Variants in TFAP2A observed in about 807,000 individuals in gnomAD.
TFAP2A encodes transcription factor AP-2 alpha, also known as transcription factor AP-2-alpha.
A neutral mutation model predicts 41.5 loss-of-function variants in TFAP2A; 7 were observed. The ratio of observed to expected loss-of-function variants is 0.17; its 90% confidence interval spans 0.10 to 0.32. TFAP2A has a LOEUF of 0.32. Among genes scored for constraint, TFAP2A ranks in the 10% least tolerant of loss-of-function variants. TFAP2A has a pLI of 1.00. For synonymous variants in TFAP2A, 247 were observed against 242.8 expected, an observed-to-expected ratio of 1.02 and a Z score of -0.16; for missense variants, 416 against 563.3, an observed-to-expected ratio of 0.74 and a Z score of 2.65.
intron 2 of TFAP2A, among the ~76,000 whole-genome samples, chr6:10,408,538 A>G (rs181481327): frequency 3.3e-5 from 5 of 152,358 alleles, no homozygotes; most frequent in East Asian, 3.9e-4. Flanking sequence ...GTTCATGTTT[A>G]AATTGCTCTT....
rs1757724691 is a variant in TFAP2A at position 10,406,608 on chromosome 6, C to G, written c.538+185G>C. On this transcript the variant is annotated intron_variant, in intron 3 of 6. Coordinates refer to ENST00000379613, the MANE Select transcript of TFAP2A (RefSeq NM_001372066.1). ...AAATCATGAGTCAGAACAAAGCTAG[C>G]CTGTTGGCATTACCAACATACTGAA... is the stretch of plus-strand genomic sequence containing the variant. 1.7e-5 allele frequency: 11 copies of G among 630,308 alleles called. No homozygotes were observed. The South Asian group carries it at 1.9e-4, about 11-fold the overall frequency. The allele number at this position is 630,308 out of a possible 1,614,324, so 39.0% of individuals were successfully genotyped here. A position where few individuals can be genotyped will look rare whatever the true frequency, so the allele number is the denominator to read the frequency against.
intron 2 of TFAP2A, chr6:10,407,246 G>A: frequency 3.8e-6 from 1 of 261,022 alleles, no homozygotes; most frequent in Non-Finnish European, 7.4e-6. Flanking sequence ...GCGAAAGCCA[G>A]GGAAACACAA....
In TFAP2A at chr6:10,403,677, G is replaced by A. The variant is rs563891401; in HGVS notation, c.770+831C>T. ...TCACAACGTGCAGTGGAATCCTAGG[G>A]GTAGGAAGCCCACAGCAGGGAGAAA... On this transcript the variant is annotated intron_variant, in intron 4 of 6. Transcript: ENST00000379613. Among the ~76,000 whole-genome samples the A allele has an allele frequency of 7.9e-5, 12 of 152,228 alleles. 1 individual carries two copies. Among genetic ancestry groups the A allele is most frequent in the African/African-American group, 2.9e-4 (12 of 41,520 alleles).
At chr6:10,409,751 G>GTCCCTCACTCTCCGCC in intron 2 of TFAP2A, 150 bp downstream of exon 2, 1 of 956,724 alleles carries the variant, frequency 1.0e-6, no homozygotes, top group East Asian at 2.6e-5. Flanking sequence ...TCCTCAAAAC[G>GTCCCTCACTCTCCGCC]TCCCTCACTC....
At chr6:10,411,571 A>G (rs1757971488) in intron 1 of TFAP2A, 1 of 1,614,072 alleles carries the variant, frequency 6.2e-7, no homozygotes. Flanking sequence ...GGGACTCACC[A>G]TGGCTGAAAA....
intron 1 of TFAP2A, 163 bp downstream of exon 1, chr6:10,414,778 T>G: frequency 1.1e-6 from 1 of 933,912 alleles, no homozygotes; most frequent in Non-Finnish European, 1.7e-6. Flanking sequence ...TCTCTGCAGC[T>G]TCTCCCCCGC....
At chr6:10,403,293 C>T (rs1190267281) in intron 4 of TFAP2A, among the ~76,000 whole-genome samples, 1 of 152,192 alleles carries the variant, frequency 6.6e-6, no homozygotes, top group Non-Finnish European at 1.5e-5. Context: ...TTATTCCCTA[C>T]TCAAGTGCTC....
At position 10,404,528 on chromosome 6, in the gene TFAP2A, C is replaced by G. The variant is rs918362351; in HGVS notation, c.750G>C (p.Leu250=). ...CTCACCTCCGGAGCACTCCGCCCAG[C>G]AGCGACGCGTTGAGACACTCGGGTG... The part of the protein sequence containing the change: ...LSPPECLNAS[L]LGGVLRRAKS... Residue 250 remains leucine (L), a synonymous_variant, in exon 4 of 7, where the codon CTG becomes CTC. Transcript: ENST00000379613. 1.2e-6 allele frequency: 2 copies of G among 1,610,836 alleles called. No homozygotes were observed. The highest frequency in any genetic ancestry group is 1.3e-5 in the African/African-American group (1 of 75,018).
chr6:10,417,633 GAGAC>G (rs991143724), upstream of TFAP2A, among the ~76,000 whole-genome samples: 2 of 152,196 alleles, frequency 1.3e-5, no homozygotes, highest in Admixed American at 1.3e-4. Context: ...ATTTGTGTGA[GAGAC>G]AGAGTCACAA....
intron 6 of TFAP2A, among the ~76,000 whole-genome samples, chr6:10,400,131 G>A (rs1451716824): frequency 6.6e-6 from 1 of 151,480 alleles, no homozygotes; most frequent in African/African-American, 2.4e-5. Context: ...ATTTGATTCT[G>A]GTCTTTCTGA....
chr6:10,402,463 C>T, intron 5 of TFAP2A, 29 bp downstream of exon 5: 1 of 1,512,270 alleles, frequency 6.6e-7, no homozygotes, highest in Non-Finnish European at 9.2e-7. Flanking sequence ...GAAGGAAGTT[C>T]CTTCTAGTTA....
intron 1 of TFAP2A, among the ~76,000 whole-genome samples, chr6:10,413,608 GC>G (rs924034751): frequency 3.7e-4 from 56 of 152,280 alleles, no homozygotes; most frequent in African/African-American, 1.3e-3. Context: ...GGGTCCCTGC[GC>G]CCCTCCTCTA....
intron 2 of TFAP2A, 181 bp downstream of exon 2, chr6:10,409,720 C>T (rs921246782): frequency 5.7e-6 from 4 of 697,228 alleles, no homozygotes; most frequent in Non-Finnish European, 7.2e-6. Flanking sequence ...TGGGGTAGAA[C>T]TCGCAACTAC....
chr6:10,405,644 A>G (rs1169825668), intron 3 of TFAP2A: 1 of 152,208 alleles, frequency 6.6e-6, no homozygotes, highest in Non-Finnish European at 1.5e-5. Flanking sequence ...TCTCAGCACC[A>G]GTGTAATTCA....
intron 1 of TFAP2A, among the ~76,000 whole-genome samples, chr6:10,411,363 CG>C (rs1757960550): frequency 1.3e-5 from 2 of 149,474 alleles, no homozygotes; most frequent in African/African-American, 5.0e-5. Context: ...AGAGGTCGAG[CG>C]GGGGCTGGGG....
At chr6:10,414,173 T>C (rs145967853) in intron 1 of TFAP2A, among the ~76,000 whole-genome samples, 153 of 152,340 alleles carry the variant, frequency 1.0e-3, no homozygotes, top group Non-Finnish European at 1.8e-3. Flanking sequence ...TCTGGGCTGG[T>C]GCAGAAGCTG....
chr6:10,415,150 A>G, upstream of TFAP2A: 1 of 1,435,396 alleles, frequency 7.0e-7, no homozygotes, highest in South Asian at 1.3e-5. Context: ...GAGGAGGGCA[A>G]GGAGGAGGAG....
chr6:10,410,053 T>C lies in TFAP2A; in HGVS notation c.334A>G (p.Thr112Ala), dbSNP rs1407939076. The C allele has an allele frequency of 1.8e-5, 29 of 1,612,738 alleles. No homozygotes were observed. Among genetic ancestry groups the C allele is most frequent in the Non-Finnish European group, 2.3e-5 (27 of 1,179,842 alleles). Residue 112 changes from threonine to alanine, a missense_variant, in exon 2 of 7, where the codon ACG becomes GCG. By Grantham distance (58) the Thr-to-Ala change is moderately conservative (BLOSUM62 0). This residue lies in a region of TFAP2A where 241 missense variants were observed against 274.1 expected (regional missense o/e 0.88). Coordinates refer to ENST00000379613, the MANE Select transcript of TFAP2A (RefSeq NM_001372066.1). ...RQSQESGLLH[T>A]HRGLPHQLSG... ...AGCTGGTGAGGCAGCCCCCGGTGCG[T>C]GTGCAGGAGCCCAGACTCCTGGCTC...
Position 10,400,557 on chromosome 6 carries a change from A to T in TFAP2A, c.922T>A (p.Tyr308Asn). ...GCAGGAAATTCGGTTTCGCACACGT[A>T]CCCAAAGTCCCTGGCTAGGTGGACA... ...EAVHLARDFGYVCETEFPAKA... is the reference protein window; with the variant it reads ...EAVHLARDFGNVCETEFPAKA... Residue 308 changes from tyrosine (Y) to asparagine (N), a missense_variant, in exon 6 of 7, where the codon TAC becomes AAC. Around this residue, in one of 3 missense-constraint regions of TFAP2A, gnomAD observed 59 missense variants for 135.4 expected, o/e 0.44. Coordinates refer to ENST00000379613, the MANE Select transcript of TFAP2A (RefSeq NM_001372066.1). 1 of 1,614,166 alleles carries T rather than the reference A, an allele frequency of 6.2e-7. No homozygotes were observed. The highest frequency in any genetic ancestry group is 8.5e-7 in the Non-Finnish European group (1 of 1,180,032).
Sources: allele counts gnomAD v4.1 joint callset (sites outside exome capture counted in the v4.1 genomes callset), GRCh38; gene constraint gnomAD v4.1.1; regional missense constraint gnomAD v4.1.1; transcripts MANE v1.5; gene names NCBI Gene and HGNC (gene_info 2026-07-23, HGNC 2026-07-21).